The following THADA variants were observed in gnomAD, a reference collection of about 807,000 sequenced individuals.
THADA encodes tRNA (32-2'-O)-methyltransferase regulator THADA.
THADA carries 213 observed loss-of-function variants against 219.8 expected under a neutral mutation model. That is an observed-to-expected ratio of 0.97 (90% CI 0.87 to 1.09). THADA has a LOEUF of 1.09. Ranked by LOEUF, THADA falls within the 50% of genes least tolerant of loss-of-function variation. The pLI is 0.00. For missense variants in THADA, 2,956 were observed against 2,311.3 expected, an observed-to-expected ratio of 1.28 and a Z score of -5.72; for synonymous variants, 1,018 against 828.9, an observed-to-expected ratio of 1.23 and a Z score of -3.92.
At chr2:43,236,932 CATG>C (rs1336122561) in intron 36 of THADA, among the ~76,000 whole-genome samples, 2 of 150,396 alleles carry the variant, frequency 1.3e-5, no homozygotes, top group Non-Finnish European at 3.0e-5. Context: ...ATTAGCCAGG[CATG>C]GTGGTGGGCG....
At chr2:43,586,599 T>A in intron 6 of THADA, 103 bp downstream of exon 6, 1 of 1,363,568 alleles carries the variant, frequency 7.3e-7, no homozygotes, top group Admixed American at 2.5e-5. Context: ...ACCTAAGTTA[T>A]CTACAATGCT....
chr2:43,512,108 C>T (rs1022392690), intron 22 of THADA, among the ~76,000 whole-genome samples: 3 of 152,208 alleles, frequency 2.0e-5, no homozygotes, highest in Non-Finnish European at 2.9e-5. Context: ...GAATGCTCTA[C>T]AAGGTCAAGG....
intron 35 of THADA, among the ~76,000 whole-genome samples, chr2:43,283,087 A>G (rs982850990): frequency 6.6e-6 from 1 of 152,140 alleles, no homozygotes; most frequent in Non-Finnish European, 1.5e-5. Context: ...TGATGGTTTA[A>G]AAGTGTGTGG....
At chr2:43,550,946 C>T (rs1369112029) in intron 19 of THADA, among the ~76,000 whole-genome samples, 2 of 152,092 alleles carry the variant, frequency 1.3e-5, no homozygotes, top group Non-Finnish European at 2.9e-5. Context: ...AAGATCCCAT[C>T]TCTACCAAAA....
intron 31 of THADA, among the ~76,000 whole-genome samples, chr2:43,300,645 A>G (rs1676152749): frequency 1.3e-5 from 2 of 152,180 alleles, no homozygotes; most frequent in African/African-American, 2.4e-5. Flanking sequence ...AGGGAGAGTT[A>G]GGAGAGAACA....
In THADA at chr2:43,442,579, AG is replaced by A. The variant is rs570708252; in HGVS notation, c.3837-12278del. Among the ~76,000 whole-genome samples the A allele has an allele frequency of 5.2e-3, 785 of 152,354 alleles. 6 individuals are homozygous for A. The highest frequency in any genetic ancestry group is 0.018 in the African/African-American group (735 of 41,578). Reference sequence around the variant, plus strand: ...GACAAGAGGACTTCATGACGAAAGAAGGTACAAAAATTTTTTTTCTGGCATT... The same window carrying A: ...GACAAGAGGACTTCATGACGAAAGAAGTACAAAAATTTTTTTTCTGGCATT... On this transcript the variant is annotated intron_variant, in intron 26 of 37. Transcript: ENST00000405975.
chr2:43,234,984 CT>C (rs1012751270), intron 36 of THADA, among the ~76,000 whole-genome samples: 19 of 140,346 alleles, frequency 1.4e-4, no homozygotes, highest in Non-Finnish European at 1.1e-4. Flanking sequence ...GTTTATCACT[CT>C]TTTTTTTTTT....
chr2:43,419,537 T>C (rs1228551297), intron 28 of THADA, among the ~76,000 whole-genome samples: 1 of 152,224 alleles, frequency 6.6e-6, no homozygotes, highest in East Asian at 1.9e-4. Flanking sequence ...TTTGAAGCCT[T>C]CTATAATTTA....
chr2:43,284,930 G>T (rs1470234676), intron 35 of THADA, among the ~76,000 whole-genome samples: 1 of 152,210 alleles, frequency 6.6e-6, no homozygotes, highest in African/African-American at 2.4e-5. Flanking sequence ...TTTAATGACT[G>T]CCCTGCTGGG....
In THADA at chr2:43,236,294, T is replaced by C. The variant is rs774568154; in HGVS notation, c.5297-3412A>G. 1.4e-4 allele frequency among the ~76,000 whole-genome samples: 21 copies of C among 152,276 alleles called. 1 individual carries two copies. The highest frequency in any genetic ancestry group is 3.3e-4 in the Admixed American group (5 of 15,296). On this transcript the variant is annotated intron_variant, in intron 36 of 37. Transcript: ENST00000405975. ...AAGGAATGCTGAGATGTTTTGGGGA[T>C]GCGGGGGGAAGGATGAGTTGGATTT...
chr2:43,431,687 C>T (rs1319697832), intron 26 of THADA, among the ~76,000 whole-genome samples: 2 of 19,894 alleles, frequency 1.0e-4, no homozygotes, highest in African/African-American at 3.1e-4. Flanking sequence ...TTTTTTGAGA[C>T]GGAGTCTCGC....
At chr2:43,469,230 G>C (rs929950850) in intron 26 of THADA, among the ~76,000 whole-genome samples, 7 of 152,168 alleles carry the variant, frequency 4.6e-5, no homozygotes, top group African/African-American at 1.7e-4. Context: ...AGCCCGACAA[G>C]TTCAAGGGAA....
At chr2:43,345,798 AC>A (rs1242155258) in intron 29 of THADA, among the ~76,000 whole-genome samples, 2 of 152,228 alleles carry the variant, frequency 1.3e-5, no homozygotes, top group African/African-American at 4.8e-5. Context: ...AAAATGCATG[AC>A]TTCGGAATTT....
At chr2:43,431,397 A>G (rs947713639) in intron 26 of THADA, among the ~76,000 whole-genome samples, 25 of 152,132 alleles carry the variant, frequency 1.6e-4, no homozygotes, top group Non-Finnish European at 2.9e-4. Context: ...GGAACCTCTG[A>G]TTTGATTTCT....
chr2:43,402,586 T>C (rs1246041164), intron 28 of THADA, among the ~76,000 whole-genome samples: 1 of 152,206 alleles, frequency 6.6e-6, no homozygotes, highest in East Asian at 1.9e-4. Context: ...TAAGTGGCTA[T>C]ACATCACCAA....
At chr2:43,347,366 C>A (rs747352607) in intron 29 of THADA, among the ~76,000 whole-genome samples, 1 of 152,174 alleles carries the variant, frequency 6.6e-6, no homozygotes, top group Non-Finnish European at 1.5e-5. Flanking sequence ...TCTCTTCCAG[C>A]CCCATTCCAA....
At chr2:43,544,605 G>C (rs1390207873) in intron 20 of THADA, among the ~76,000 whole-genome samples, 2 of 151,362 alleles carry the variant, frequency 1.3e-5, no homozygotes, top group Admixed American at 1.3e-4. Flanking sequence ...CTTGTAAGTT[G>C]GATTCCTAGG....
intron 30 of THADA, among the ~76,000 whole-genome samples, chr2:43,335,316 C>G (rs1018629331): frequency 1.3e-5 from 2 of 152,110 alleles, no homozygotes; most frequent in Non-Finnish European, 2.9e-5. Context: ...AGTAAGGTGC[C>G]GGGAGCTAAG....
intron 36 of THADA, among the ~76,000 whole-genome samples, chr2:43,260,935 C>G (rs1387475692): frequency 6.6e-6 from 1 of 152,064 alleles, no homozygotes; most frequent in Non-Finnish European, 1.5e-5. Context: ...GTTGGCTTGA[C>G]CTTTTACATT....
Sources: allele counts gnomAD v4.1 joint callset (sites outside exome capture counted in the v4.1 genomes callset), GRCh38; gene constraint gnomAD v4.1.1; transcripts MANE v1.5; gene names NCBI Gene and HGNC (gene_info 2026-07-23, HGNC 2026-07-21).